DIP2C: variants seen among roughly 807,000 people sequenced by gnomAD.
DIP2C encodes DIP2 acetate--CoA ligase C (putative).
In DIP2C, 33 loss-of-function variants were observed where a neutral mutation model predicts 192.4. The ratio of observed to expected loss-of-function variants is 0.17; its 90% CI spans 0.13 to 0.23. DIP2C has a LOEUF of 0.23. Ranked by LOEUF, DIP2C falls within the 10% of genes least tolerant of loss-of-function variation. The probability of loss-of-function intolerance (pLI) is 1.00; values close to 1 mark genes in which losing one functional copy is unlikely to be tolerated. For missense variants in DIP2C, 1,537 were observed against 2,110.1 expected (o/e 0.73, Z 5.32); for synonymous variants, 979 against 864.1 (o/e 1.13, Z -2.33).
At chr10:293,894 C>A (rs1412220056) in intron 32 of DIP2C, among the ~76,000 whole-genome samples, 1 of 152,176 alleles carries the variant, frequency 6.6e-6, no homozygotes, top group African/African-American at 2.4e-5. Context: ...CCACAAAAGG[C>A]TAAGGGGAAG....
intron 10 of DIP2C, among the ~76,000 whole-genome samples, chr10:393,790 AAAAAAAGAAAAAAAAAGAAAAAG>A (rs1408890954): frequency 1.3e-4 from 18 of 133,970 alleles, no homozygotes; most frequent in African/African-American, 4.2e-4. Context: ...AAAAAAAAAA[AAAAAAAGAAAAAAAAAGAAAAAG>A]AAAAAGGAAA....
intron 32 of DIP2C, among the ~76,000 whole-genome samples, chr10:293,173 C>A (rs1036114395): frequency 2.0e-5 from 3 of 152,260 alleles, no homozygotes; most frequent in Admixed American, 2.0e-4. Flanking sequence ...CACACCACTA[C>A]TCAGCACTGG....
chr10:386,365 G>C (rs1962916947), intron 14 of DIP2C, among the ~76,000 whole-genome samples: 1 of 152,232 alleles, frequency 6.6e-6, no homozygotes, highest in African/African-American at 2.4e-5. Flanking sequence ...TGACATGCCT[G>C]AGTCACAAAG....
chr10:417,693 CCTG>C (rs2133123280), intron 6 of DIP2C, among the ~76,000 whole-genome samples: 1 of 124,076 alleles, frequency 8.1e-6, no homozygotes, highest in African/African-American at 3.1e-5. Flanking sequence ...TCCCTGTCCG[CCTG>C]TGCCTGTCGG....
At chr10:465,466 G>C (rs1970125677) in intron 3 of DIP2C, among the ~76,000 whole-genome samples, 1 of 151,888 alleles carries the variant, frequency 6.6e-6, no homozygotes, top group African/African-American at 2.4e-5. Flanking sequence ...CATTCCCTTT[G>C]AAAACTGGCA....
chr10:643,104 G>A (rs1855282412), intron 1 of DIP2C, among the ~76,000 whole-genome samples: 1 of 152,090 alleles, frequency 6.6e-6, no homozygotes, highest in African/African-American at 2.4e-5. Flanking sequence ...CTTGGGGGCT[G>A]AGGCAGGACA....
chr10:509,140 A>C (rs187543372), intron 1 of DIP2C, among the ~76,000 whole-genome samples: 6 of 152,290 alleles, frequency 3.9e-5, no homozygotes, highest in Admixed American at 3.3e-4. Flanking sequence ...ATGCTTGACC[A>C]TACAACTAGG....
intron 4 of DIP2C, among the ~76,000 whole-genome samples, chr10:424,159 C>T (rs985595604): frequency 6.6e-5 from 10 of 152,120 alleles, no homozygotes; most frequent in Admixed American, 2.6e-4. Flanking sequence ...TGAGCAGCTC[C>T]AGCCATCGGG....
chr10:647,189 A>G (rs371217773), intron 1 of DIP2C, among the ~76,000 whole-genome samples: 1 of 151,998 alleles, frequency 6.6e-6, no homozygotes, highest in African/African-American at 2.4e-5. Context: ...GTGGGAGAGA[A>G]CAGAGGGAAA....
chr10:367,546 G>A (rs534358419), intron 18 of DIP2C, among the ~76,000 whole-genome samples: 50 of 152,306 alleles, frequency 3.3e-4, no homozygotes, highest in African/African-American at 1.2e-3. Flanking sequence ...CTTACCGCTC[G>A]GCAGGGTACA....
intron 1 of DIP2C, among the ~76,000 whole-genome samples, chr10:591,729 A>G (rs1460155524): frequency 6.6e-6 from 1 of 152,136 alleles, no homozygotes; most frequent in Non-Finnish European, 1.5e-5. Flanking sequence ...CCACCAAGGT[A>G]ACCGAGACTC....
At chr10:544,501 G>A (rs1200255820) in intron 1 of DIP2C, among the ~76,000 whole-genome samples, 1 of 152,176 alleles carries the variant, frequency 6.6e-6, no homozygotes, top group Admixed American at 6.5e-5. Context: ...ACTTTTCTGA[G>A]GAACTGCCAG....
intron 2 of DIP2C, among the ~76,000 whole-genome samples, chr10:485,477 C>A (rs1843948793): frequency 6.6e-6 from 1 of 152,222 alleles, no homozygotes; most frequent in African/African-American, 2.4e-5. Context: ...TCCACAGAAA[C>A]ATGTTCACTG....
chr10:525,232 GCTC>G, intron 1 of DIP2C, among the ~76,000 whole-genome samples: 1 of 152,128 alleles, frequency 6.6e-6, no homozygotes, highest in African/African-American at 2.4e-5. Flanking sequence ...AATTTCTAAA[GCTC>G]CTAACGCCTC....
At chr10:321,554 G>A (rs377171868) in intron 31 of DIP2C, among the ~76,000 whole-genome samples, 3 of 129,690 alleles carry the variant, frequency 2.3e-5, no homozygotes, top group South Asian at 2.5e-4. Context: ...AGAGACCGGC[G>A]CTGTTAGAAC....
intron 1 of DIP2C, among the ~76,000 whole-genome samples, chr10:612,051 T>C (rs1484099539): frequency 6.6e-6 from 1 of 152,110 alleles, no homozygotes; most frequent in Non-Finnish European, 1.5e-5. Context: ...ATCCCAGCAC[T>C]TTGGGAGGCC....
At chr10:399,023 C>A in intron 10 of DIP2C, 86 bp downstream of exon 10, 3 of 1,168,318 alleles carry the variant, frequency 2.6e-6, no homozygotes, top group Non-Finnish European at 2.5e-6. Context: ...CCAGAAACAG[C>A]GAGGAGACCC....
At chr10:299,409 T>C (rs966515435) in intron 32 of DIP2C, among the ~76,000 whole-genome samples, 5 of 152,290 alleles carry the variant, frequency 3.3e-5, no homozygotes, top group African/African-American at 7.2e-5. Context: ...CTTGCCTTAA[T>C]TGGGAAGATT....
intron 1 of DIP2C, among the ~76,000 whole-genome samples, chr10:585,524 G>A (rs1850964538): frequency 6.6e-6 from 1 of 152,180 alleles, no homozygotes; most frequent in Non-Finnish European, 1.5e-5. Context: ...AGGTGATGTG[G>A]GCACACACAT....
Sources: allele counts gnomAD v4.1 joint callset (sites outside exome capture counted in the v4.1 genomes callset), GRCh38; gene constraint gnomAD v4.1.1; transcripts MANE v1.5; gene names NCBI Gene and HGNC (gene_info 2026-07-23, HGNC 2026-07-21).